TLL1: variants seen among roughly 807,000 people sequenced by gnomAD.
TLL1 encodes tolloid-like protein 1.
A neutral mutation model predicts 128.2 loss-of-function variants in TLL1; 49 were observed. The observed-to-expected ratio is 0.38, with a 90% CI of 0.30 to 0.48. The LOEUF (loss-of-function observed/expected upper bound fraction) is 0.48. TLL1 is among the 20% of genes least tolerant of loss of function. The pLI, the probability that TLL1 is intolerant of heterozygous loss-of-function variation, is 0.96. For missense variants in TLL1, 1,123 were observed against 1,242.0 expected (o/e 0.90, Z 1.44); for synonymous variants, 454 against 418.8 (o/e 1.08, Z -1.03).
intron 3 of TLL1, 31 bp from the exon 4 acceptor site, chr4:165,994,350 G>A (rs1322490844): frequency 6.2e-7 from 1 of 1,613,740 alleles, no homozygotes; most frequent in East Asian, 2.2e-5. Flanking sequence ...AAGAACTTCT[G>A]TTTCACAGAA....
At chr4:166,054,335 A>G (rs2111109779) in intron 12 of TLL1, among the ~76,000 whole-genome samples, 1 of 152,348 alleles carries the variant, frequency 6.6e-6, no homozygotes, top group East Asian at 1.9e-4. Context: ...TTATAACCAA[A>G]AATAGTGCTA....
In TLL1 at chr4:166,043,241, T is replaced by C. The variant is rs756438628; in HGVS notation, c.1379-33T>C. On this transcript the variant is annotated intron_variant, in intron 11 of 20. Coordinates refer to ENST00000061240, the MANE Select transcript of TLL1 (RefSeq NM_012464.5). ...TGAAAATGAAATAGCATGTCCAGGCTTAGTTATTTGTTTATTTTTTGGCTT... is the reference window on the plus strand; with the variant it reads ...TGAAAATGAAATAGCATGTCCAGGCCTAGTTATTTGTTTATTTTTTGGCTT... 3 of 1,613,700 alleles carry C rather than the reference T, an allele frequency of 1.9e-6. No individual in the cohort carries two copies. The African/African-American group carries it at 4.0e-5, about 22-fold the overall frequency.
intron 18 of TLL1, among the ~76,000 whole-genome samples, chr4:166,081,715 C>T (rs775739016): frequency 6.6e-6 from 1 of 151,934 alleles, no homozygotes; most frequent in Admixed American, 6.6e-5. Flanking sequence ...GATTTCCATA[C>T]ATTGATGTGT....
At chr4:165,900,905 T>G (rs550707790) in intron 1 of TLL1, among the ~76,000 whole-genome samples, 3 of 152,124 alleles carry the variant, frequency 2.0e-5, no homozygotes, top group Non-Finnish European at 4.4e-5. Context: ...TTTCACATGG[T>G]CCCATATTTC....
chr4:165,902,815 A>G (rs1211788154), intron 1 of TLL1, among the ~76,000 whole-genome samples: 1 of 152,220 alleles, frequency 6.6e-6, no homozygotes, highest in Admixed American at 6.5e-5. Flanking sequence ...ATGTTGATAC[A>G]TATACAGCAC....
At chr4:166,033,018 C>T (rs918513707) in intron 9 of TLL1, among the ~76,000 whole-genome samples, 1 of 152,010 alleles carries the variant, frequency 6.6e-6, no homozygotes, top group African/African-American at 2.4e-5. Flanking sequence ...CAGAGAAATG[C>T]TATTTGAACT....
At chr4:165,923,584 C>A (rs1277362214) in intron 1 of TLL1, among the ~76,000 whole-genome samples, 1 of 151,614 alleles carries the variant, frequency 6.6e-6, no homozygotes. Context: ...CAGGCACCCA[C>A]CACCACGCTC....
chr4:165,911,326 A>G (rs1394319669), intron 1 of TLL1, among the ~76,000 whole-genome samples: 2 of 152,170 alleles, frequency 1.3e-5, no homozygotes, highest in Admixed American at 1.3e-4. Flanking sequence ...TACACTTAAC[A>G]TAATGATCTC....
intron 12 of TLL1, among the ~76,000 whole-genome samples, chr4:166,049,204 T>C (rs1739599506): frequency 6.6e-6 from 1 of 152,190 alleles, no homozygotes; most frequent in Admixed American, 6.5e-5. Context: ...TAGCACTTGT[T>C]AGTTTCAATC....
At chr4:165,916,593 G>A (rs1248094387) in intron 1 of TLL1, among the ~76,000 whole-genome samples, 1 of 152,156 alleles carries the variant, frequency 6.6e-6, no homozygotes, top group African/African-American at 2.4e-5. Context: ...AAGGATATAT[G>A]TAGGGGTGCT....
intron 1 of TLL1, among the ~76,000 whole-genome samples, chr4:165,891,611 TC>T (rs1731406860): frequency 6.6e-6 from 1 of 152,088 alleles, no homozygotes; most frequent in South Asian, 2.1e-4. Flanking sequence ...ATAGCAACAA[TC>T]ACCTTCACTC....
chr4:166,063,283 A>G (rs886405864), intron 15 of TLL1, among the ~76,000 whole-genome samples: 1 of 152,218 alleles, frequency 6.6e-6, no homozygotes, highest in Admixed American at 6.5e-5. Context: ...AATCAAAACC[A>G]CAATGAGATA....
chr4:166,065,387 T>C (rs188986977), intron 15 of TLL1, among the ~76,000 whole-genome samples: 2 of 152,170 alleles, frequency 1.3e-5, no homozygotes, highest in African/African-American at 4.8e-5. Context: ...GAACTCCTTG[T>C]TGTTAATCAC....
intron 1 of TLL1, among the ~76,000 whole-genome samples, chr4:165,938,035 G>T (rs1398512582): frequency 6.6e-6 from 1 of 151,590 alleles, no homozygotes; most frequent in Non-Finnish European, 1.5e-5. Flanking sequence ...CCTAGATTAT[G>T]TATTAACGTT....
In TLL1 at chr4:166,103,755, A is replaced by G. The variant is rs2111172444; in HGVS notation, c.*2879A>G. 6.6e-6 allele frequency: 1 copy of G among 151,832 alleles called. No homozygotes were observed. Among genetic ancestry groups the G allele is most frequent in the Admixed American group, 6.6e-5 (1 of 15,198 alleles). 9.4% of individuals were successfully genotyped at this position (151,832 alleles called of 1,614,324 possible). ...TACTTACTGCTCCAGGCATTTTATT[A>G]AATTAATTTTTTAAATTATTTTCCA... On this transcript the variant is annotated 3_prime_UTR_variant, in exon 21 of 21. Coordinates refer to ENST00000061240, the MANE Select transcript of TLL1 (RefSeq NM_012464.5).
At chr4:165,962,224 A>ATTT (rs1735140286) in intron 1 of TLL1, among the ~76,000 whole-genome samples, 1 of 152,084 alleles carries the variant, frequency 6.6e-6, no homozygotes, top group Non-Finnish European at 1.5e-5. Context: ...TAAATCCATA[A>ATTT]ACAAAAAATA....
chr4:166,012,912 G>A (rs2111048665), intron 7 of TLL1, among the ~76,000 whole-genome samples: 1 of 151,638 alleles, frequency 6.6e-6, no homozygotes, highest in East Asian at 1.9e-4. Context: ...TTGGAGCTAG[G>A]GCAGTTAGTA....
chr4:166,062,972 A>G (rs921633868), intron 15 of TLL1, among the ~76,000 whole-genome samples: 5 of 152,298 alleles, frequency 3.3e-5, no homozygotes, highest in African/African-American at 1.2e-4. Flanking sequence ...ATCTATTGAG[A>G]TAATCATGTG....
chr4:165,959,599 CA>C (rs1349236241), intron 1 of TLL1, among the ~76,000 whole-genome samples: 2 of 152,070 alleles, frequency 1.3e-5, no homozygotes, highest in Non-Finnish European at 2.9e-5. Context: ...GGCCATAAAA[CA>C]AGTCTCAATA....
Sources: allele counts gnomAD v4.1 joint callset (sites outside exome capture counted in the v4.1 genomes callset), GRCh38; gene constraint gnomAD v4.1.1; transcripts MANE v1.5; gene names NCBI Gene and HGNC (gene_info 2026-07-23, HGNC 2026-07-21).